The following ZNF521 variants were observed in gnomAD, a reference collection of about 807,000 sequenced individuals.
The protein encoded by ZNF521 is zinc finger protein 521.
In ZNF521, 14 loss-of-function variants were observed where a neutral mutation model predicts 105.5. The ratio of observed to expected loss-of-function variants is 0.13; its 90% CI spans 0.09 to 0.21. The LOEUF (loss-of-function observed/expected upper bound fraction) is 0.21, where lower values mean the gene tolerates loss of function less well. ZNF521 is among the 10% of genes least tolerant of loss of function. The probability of loss-of-function intolerance (pLI) is 1.00; values close to 1 mark genes in which losing one functional copy is unlikely to be tolerated. For synonymous variants in ZNF521, 635 were observed against 606.0 expected (o/e 1.05, Z -0.70); for missense variants, 1,233 against 1,629.7 (o/e 0.76, Z 4.19).
At chr18:25,306,784 T>C (rs1177157526) in intron 3 of ZNF521, among the ~76,000 whole-genome samples, 2 of 151,068 alleles carry the variant, frequency 1.3e-5, no homozygotes, top group African/African-American at 2.4e-5. Context: ...GAAACAATGT[T>C]ACAAAAATTG....
intron 3 of ZNF521, among the ~76,000 whole-genome samples, chr18:25,303,300 G>A (rs1404307479): frequency 1.8e-5 from 2 of 113,276 alleles, no homozygotes; most frequent in East Asian, 5.1e-4. Context: ...GTGTGTGTGT[G>A]TGTGTGTGTG....
intron 2 of ZNF521, among the ~76,000 whole-genome samples, chr18:25,334,112 T>C (rs1913744737): frequency 6.6e-6 from 1 of 152,188 alleles, no homozygotes; most frequent in African/African-American, 2.4e-5. Flanking sequence ...CAGATCAGCT[T>C]CCAGAGGCAT....
chr18:25,336,345 G>A (rs190341664), intron 2 of ZNF521, among the ~76,000 whole-genome samples: 10 of 152,116 alleles, frequency 6.6e-5, no homozygotes, highest in African/African-American at 2.4e-4. Context: ...TTTAATTTAA[G>A]GATTATTAAT....
At chr18:25,202,550 G>A (rs766845792) in intron 4 of ZNF521, 1 of 152,122 alleles carries the variant, frequency 6.6e-6, no homozygotes, top group Admixed American at 6.6e-5. Context: ...AGAGAGAAGC[G>A]GTTAAGAATG....
chr18:25,318,292 T>A (rs924949343), intron 3 of ZNF521, among the ~76,000 whole-genome samples: 2 of 152,082 alleles, frequency 1.3e-5, no homozygotes, highest in Admixed American at 1.3e-4. Flanking sequence ...TTAAAACAGC[T>A]CAAAAACTGG....
intron 5 of ZNF521, among the ~76,000 whole-genome samples, chr18:25,119,599 C>T (rs2034394687): frequency 1.3e-5 from 2 of 151,534 alleles, no homozygotes; most frequent in South Asian, 4.2e-4. Context: ...AAAGAAATCA[C>T]AAGGGAAATT....
intron 3 of ZNF521, among the ~76,000 whole-genome samples, chr18:25,263,339 G>T (rs1272341939): frequency 6.6e-6 from 1 of 151,786 alleles, no homozygotes; most frequent in African/African-American, 2.4e-5. Flanking sequence ...AAAAAAAAAA[G>T]TTAGGTCAAT....
intron 7 of ZNF521, among the ~76,000 whole-genome samples, chr18:25,065,436 T>A (rs1316557485): frequency 6.6e-6 from 1 of 152,188 alleles, no homozygotes; most frequent in East Asian, 1.9e-4. Flanking sequence ...GTATAAGGTA[T>A]ATAAGAAATA....
At chr18:25,284,090 G>A (rs757950112) in intron 3 of ZNF521, among the ~76,000 whole-genome samples, 1 of 152,172 alleles carries the variant, frequency 6.6e-6, no homozygotes, top group Non-Finnish European at 1.5e-5. Flanking sequence ...ATGAGCCTGA[G>A]CCCCCAGCTC....
intron 3 of ZNF521, among the ~76,000 whole-genome samples, chr18:25,256,701 G>C (rs1011925047): frequency 6.6e-6 from 1 of 152,040 alleles, no homozygotes; most frequent in Non-Finnish European, 1.5e-5. Flanking sequence ...TTAGTCTGCA[G>C]TCCTTTGTGA....
intron 3 of ZNF521, among the ~76,000 whole-genome samples, chr18:25,241,239 G>A (rs1025490783): frequency 1.1e-4 from 16 of 152,114 alleles, no homozygotes; most frequent in African/African-American, 2.7e-4. Flanking sequence ...TCGTCCAAAC[G>A]GTTTCACCTC....
At chr18:25,068,851 T>C (rs180675290) in intron 7 of ZNF521, among the ~76,000 whole-genome samples, 9 of 152,308 alleles carry the variant, frequency 5.9e-5, no homozygotes, top group Admixed American at 1.3e-4. Context: ...TGCTAGAATA[T>C]TGACACAAAG....
intron 3 of ZNF521, among the ~76,000 whole-genome samples, chr18:25,301,345 T>A (rs1352490421): frequency 1.3e-5 from 2 of 152,206 alleles, no homozygotes; most frequent in Non-Finnish European, 2.9e-5. Context: ...GAGAAGTGCC[T>A]GCAATTGCAG....
intron 4 of ZNF521, among the ~76,000 whole-genome samples, chr18:25,212,321 C>T (rs1432978149): frequency 2.0e-5 from 3 of 150,806 alleles, no homozygotes; most frequent in East Asian, 1.9e-4. Flanking sequence ...ACCAGCCTGG[C>T]CAACATAGTG....
At chr18:25,289,647 C>G (rs1025208710) in intron 3 of ZNF521, among the ~76,000 whole-genome samples, 1 of 152,186 alleles carries the variant, frequency 6.6e-6, no homozygotes, top group South Asian at 2.1e-4. Flanking sequence ...CCCTAACCAA[C>G]GCATTCCCCA....
chr18:25,332,889 G>C (rs935033534), intron 2 of ZNF521, among the ~76,000 whole-genome samples: 4 of 152,092 alleles, frequency 2.6e-5, no homozygotes, highest in Non-Finnish European at 5.9e-5. Context: ...GAGCTACCCA[G>C]ATAGAACTAA....
intron 4 of ZNF521, among the ~76,000 whole-genome samples, chr18:25,210,322 AT>A (rs1006311016): frequency 6.6e-5 from 10 of 152,026 alleles, no homozygotes; most frequent in East Asian, 1.9e-4. Context: ...ACATGAACTC[AT>A]TTTTTTTCCC....
chr18:25,176,859 G>C (rs927160556), intron 5 of ZNF521, among the ~76,000 whole-genome samples: 3 of 152,208 alleles, frequency 2.0e-5, no homozygotes. Context: ...GCACACGTGC[G>C]CGTGCACGCA....
intron 4 of ZNF521, among the ~76,000 whole-genome samples, chr18:25,220,652 A>G (rs1905658174): frequency 6.6e-6 from 1 of 152,210 alleles, no homozygotes; most frequent in South Asian, 2.1e-4. Flanking sequence ...ATCTCGCGAC[A>G]TGGAGATCAT....
Sources: allele counts gnomAD v4.1 joint callset (sites outside exome capture counted in the v4.1 genomes callset), GRCh38; gene constraint gnomAD v4.1.1; transcripts MANE v1.5; gene names NCBI Gene and HGNC (gene_info 2026-07-23, HGNC 2026-07-21).